DCHS2: variants seen among roughly 807,000 people sequenced by gnomAD.
The protein encoded by DCHS2 is protocadherin-23.
DCHS2 carries 142 observed loss-of-function variants against 182.4 expected under a neutral mutation model. The ratio of observed to expected loss-of-function variants is 0.78; its 90% CI spans 0.68 to 0.89. The LOEUF (loss-of-function observed/expected upper bound fraction) is 0.89. Among genes scored for constraint, DCHS2 ranks in the 40% least tolerant of loss-of-function variants. DCHS2 has a pLI of 0.00. For synonymous variants in DCHS2, 1,740 were observed against 1,663.3 expected, an observed-to-expected ratio of 1.05 and a Z score of -1.12; for missense variants, 4,319 against 4,198.6, an observed-to-expected ratio of 1.03 and a Z score of -0.79.
At chr4:154,298,772 A>G in intron 12 of DCHS2, 64 bp from the exon 13 acceptor site, 1 of 1,507,776 alleles carries the variant, frequency 6.6e-7, no homozygotes, top group Admixed American at 2.3e-5. Flanking sequence ...TGCTAGCACT[A>G]TCTATGGTAT....
chr4:154,398,067 T>C (rs532776890), intron 1 of DCHS2, among the ~76,000 whole-genome samples: 5 of 152,342 alleles, frequency 3.3e-5, no homozygotes, highest in African/African-American at 1.2e-4. Flanking sequence ...CACTTTGTTT[T>C]TGTTTCTGTT....
chr4:154,413,015 C>T lies in DCHS2; in HGVS notation c.2053-35571G>A, dbSNP rs574904726. Among the ~76,000 whole-genome samples, 46 of 152,210 alleles carry T rather than the reference C, an allele frequency of 3.0e-4. No individual in the cohort carries two copies. In the South Asian group the frequency reaches 9.3e-3, roughly 31 times the overall value. On this transcript the variant is annotated intron_variant, in intron 1 of 19. Transcript: ENST00000357232. ...AGAGGAGGAGGAAGGAAGGAAGCTA[C>T]CCAGCATTGACAGACATAATCTTTA...
chr4:154,387,491 C>A (rs549690503), intron 1 of DCHS2, among the ~76,000 whole-genome samples: 52 of 152,150 alleles, frequency 3.4e-4, no homozygotes, highest in African/African-American at 1.2e-3. Flanking sequence ...TGGCAAAGTA[C>A]ATGAGGAAAA....
At chr4:154,441,096 T>G (rs1483474985) in intron 1 of DCHS2, among the ~76,000 whole-genome samples, 3 of 152,192 alleles carry the variant, frequency 2.0e-5, no homozygotes, top group Admixed American at 6.5e-5. Context: ...TGACAGTCCT[T>G]TGATATTAGA....
chr4:154,477,719 A>T (rs1235673622), intron 1 of DCHS2, among the ~76,000 whole-genome samples: 4 of 152,220 alleles, frequency 2.6e-5, no homozygotes, highest in Admixed American at 2.6e-4. Flanking sequence ...CAGAGCATTG[A>T]CTCTCAAAAA....
At chr4:154,260,186 A>G (rs1732919708) in intron 14 of DCHS2, among the ~76,000 whole-genome samples, 2 of 152,186 alleles carry the variant, frequency 1.3e-5, no homozygotes, top group Non-Finnish European at 2.9e-5. Context: ...CCTGTCCCGC[A>G]AAAGCCTCCC....
In DCHS2 at chr4:154,331,529, T is replaced by G. The variant is rs1736524435; in HGVS notation, c.3730+949A>C. The G allele has an allele frequency of 1.9e-6, 3 of 1,546,500 alleles. No homozygotes were observed. The South Asian group carries it at 3.6e-5, about 19-fold the overall frequency. ...GAGAGTGGAAAGGCAGCTTGCAACC[T>G]TCTTGGCAAGCCATGTGCCCTGTGA... On this transcript the variant is annotated intron_variant, in intron 5 of 19. Coordinates refer to ENST00000357232, the MANE Select transcript of DCHS2 (RefSeq NM_001358235.2).
chr4:154,323,099 G>A, intron 7 of DCHS2: 1 of 1,244,272 alleles, frequency 8.0e-7, no homozygotes, highest in East Asian at 2.6e-5. Context: ...CAATTTATTT[G>A]TTGAATAAAC....
rs774868048 is a variant in DCHS2, at chr4:154,298,111, C to A, written c.6203G>T (p.Gly2068Val). The A allele has an allele frequency of 8.7e-6, 14 of 1,613,966 alleles. No individual in the cohort carries two copies. The highest frequency in any genetic ancestry group is 1.2e-5 in the Non-Finnish European group (14 of 1,180,022). ...VIVRADDLDLGPNGTVVFSFA... is the reference protein window; with the variant it reads ...VIVRADDLDLVPNGTVVFSFA... ...ACTAAAAACCACAGTTCCATTGGGCCCCAAGTCCAGGTCATCAGCTCTCAC... is the reference window on the plus strand; with the variant it reads ...ACTAAAAACCACAGTTCCATTGGGCACCAAGTCCAGGTCATCAGCTCTCAC... Residue 2068 changes from glycine (G) to valine (V), a missense_variant, in exon 13 of 20, where the codon GGG (glycine) becomes GTG (valine). Physicochemically the swap from Gly to Val is moderately radical, Grantham distance 109. Coordinates refer to ENST00000357232, the MANE Select transcript of DCHS2 (RefSeq NM_001358235.2).
At chr4:154,275,440 A>G (rs1369131986) in intron 13 of DCHS2, among the ~76,000 whole-genome samples, 1 of 152,178 alleles carries the variant, frequency 6.6e-6, no homozygotes, top group Non-Finnish European at 1.5e-5. Context: ...ATAATCAATC[A>G]TGGTGGAATC....
intron 1 of DCHS2, among the ~76,000 whole-genome samples, chr4:154,423,115 C>G (rs1212106412): frequency 6.6e-6 from 1 of 152,146 alleles, no homozygotes; most frequent in African/African-American, 2.4e-5. Flanking sequence ...AAACTGTACA[C>G]TTCAATGGTA....
At position 154,484,015 on chromosome 4, in the gene DCHS2, CA is replaced by C. The variant is rs1348401336; in HGVS notation, c.2052+5288del. Among the ~76,000 whole-genome samples the C allele has an allele frequency of 2.0e-5, 3 of 152,298 alleles. No homozygotes were observed. In the East Asian group the frequency reaches 5.8e-4, roughly 29 times the overall value. On this transcript the variant is annotated intron_variant, in intron 1 of 19. Coordinates refer to ENST00000357232, the MANE Select transcript of DCHS2 (RefSeq NM_001358235.2). ...TTTCCTATACTACTGGCCGTTAATTCACACTGAAATCAAAAACTCGAGAGAG... is the reference window on the plus strand; with the variant it reads ...TTTCCTATACTACTGGCCGTTAATTCCACTGAAATCAAAAACTCGAGAGAG...
chr4:154,369,020 A>G (rs968635085), intron 2 of DCHS2, among the ~76,000 whole-genome samples: 1 of 152,248 alleles, frequency 6.6e-6, no homozygotes, highest in African/African-American at 2.4e-5. Flanking sequence ...AATAAACTGT[A>G]TATACATTTA....
intron 16 of DCHS2, among the ~76,000 whole-genome samples, chr4:154,250,058 A>G (rs1006221845): frequency 6.6e-6 from 1 of 152,178 alleles, no homozygotes; most frequent in Non-Finnish European, 1.5e-5. Flanking sequence ...AGAGGATTGC[A>G]TAGGTAATAT....
intron 1 of DCHS2, among the ~76,000 whole-genome samples, chr4:154,458,792 A>T (rs1427078950): frequency 2.0e-5 from 3 of 152,210 alleles, no homozygotes; most frequent in African/African-American, 7.2e-5. Context: ...ACTGATTCTA[A>T]AGTTTATTAG....
At chr4:154,396,281 T>C (rs990082904) in intron 1 of DCHS2, among the ~76,000 whole-genome samples, 6 of 148,476 alleles carry the variant, frequency 4.0e-5, no homozygotes, top group Non-Finnish European at 5.9e-5. Context: ...GAGGGAAAAA[T>C]GGGAGATGGA....
intron 10 of DCHS2, among the ~76,000 whole-genome samples, chr4:154,310,443 A>C (rs952481074): frequency 3.9e-5 from 6 of 152,212 alleles, no homozygotes; most frequent in Admixed American, 1.3e-4. Context: ...CTTCTTTTGA[A>C]TACTATAAAT....
In DCHS2 at chr4:154,384,581, C is replaced by T. The variant is rs1731317955; in HGVS notation, c.2053-7137G>A. The T allele has an allele frequency of 2.0e-6, 3 of 1,464,758 alleles. No homozygotes were observed. The East Asian group carries it at 7.7e-5, about 38-fold the overall frequency. The allele number at this position is 1,464,758 out of a possible 1,614,324, so 90.7% of individuals were successfully genotyped here. On this transcript the variant is annotated intron_variant, in intron 1 of 19. Transcript: ENST00000357232. The stretch of plus-strand genomic sequence containing the variant: ...AAGTAGTGAGTACTACCTTATATGG[C>T]AACAGACATGATTAAGTTGAGGATT...
At chr4:154,360,297 A>G (rs1730057787) in intron 3 of DCHS2, among the ~76,000 whole-genome samples, 1 of 152,102 alleles carries the variant, frequency 6.6e-6, no homozygotes, top group African/African-American at 2.4e-5. Flanking sequence ...GTGTACCTTT[A>G]GATAAGTCAT....
Sources: allele counts gnomAD v4.1 joint callset (sites outside exome capture counted in the v4.1 genomes callset), GRCh38; gene constraint gnomAD v4.1.1; transcripts MANE v1.5; gene names NCBI Gene and HGNC (gene_info 2026-07-23, HGNC 2026-07-21).